Variants in DYTN observed in about 807,000 individuals in gnomAD.
DYTN encodes dystrotelin.
DYTN carries 75 observed loss-of-function variants against 69.6 expected under a neutral mutation model. The observed-to-expected ratio is 1.08, with a 90% CI of 0.89 to 1.31. DYTN has a LOEUF of 1.31. Among genes scored for constraint, DYTN ranks in the 50% most tolerant of loss-of-function variants. The probability of loss-of-function intolerance (pLI) is 0.00; values close to 1 mark genes in which losing one functional copy is unlikely to be tolerated. For missense variants in DYTN, 726 were observed against 688.4 expected (o/e 1.05, Z -0.61); for synonymous variants, 252 against 249.1 (o/e 1.01, Z -0.11).
At chr2:206,686,865 C>G (rs965399372) in intron 9 of DYTN, 4 of 152,330 alleles carry the variant, frequency 2.6e-5, no homozygotes, top group Non-Finnish European at 5.9e-5. Flanking sequence ...ATCTGGGGAG[C>G]AAGGCTCTCT....
chr2:206,684,560 A>T (rs886330205), intron 9 of DYTN, among the ~76,000 whole-genome samples: 1 of 152,158 alleles, frequency 6.6e-6, no homozygotes, highest in African/African-American at 2.4e-5. Flanking sequence ...CTTCACTTTG[A>T]GAGGCAGAAC....
At chr2:206,707,661 C>T (rs1019525339) in intron 2 of DYTN, among the ~76,000 whole-genome samples, 158 bp from the exon 3 acceptor site, 1 of 151,994 alleles carries the variant, frequency 6.6e-6, no homozygotes, top group African/African-American at 2.4e-5. Context: ...GACATATATT[C>T]CTTGTGTATA....
intron 8 of DYTN, 118 bp from the exon 9 acceptor site, chr2:206,693,441 C>T: frequency 7.7e-7 from 1 of 1,302,282 alleles, no homozygotes; most frequent in Non-Finnish European, 1.0e-6. Flanking sequence ...CTTAAGTCCT[C>T]AGAAAAATAA....
intron 2 of DYTN, among the ~76,000 whole-genome samples, chr2:206,709,014 T>A (rs1468038970): frequency 6.6e-6 from 1 of 152,010 alleles, no homozygotes; most frequent in African/African-American, 2.4e-5. Flanking sequence ...AATGCATAAT[T>A]GGGGGTAAAT....
rs565082387 is a variant in DYTN at position 206,677,858 on chromosome 2, C to A, written c.981-11829G>T. On this transcript the variant is annotated intron_variant, in intron 9 of 11. Transcript: ENST00000452335. ...ATACAAAAATTAGCTGGGCGTGATG[C>A]GGGCACCTGGAATCCCAGCTACTTG... Among the ~76,000 whole-genome samples the A allele has an allele frequency of 7.9e-5, 12 of 152,048 alleles. No homozygotes were observed. The East Asian group carries it at 2.1e-3, about 27-fold the overall frequency.
chr2:206,705,087 T>C (rs1381285110), intron 4 of DYTN, 144 bp from the exon 5 acceptor site: 1 of 672,664 alleles, frequency 1.5e-6, no homozygotes. Context: ...CTAGCTATTA[T>C]GAAGGCCTCC....
intron 9 of DYTN, among the ~76,000 whole-genome samples, chr2:206,672,744 A>G (rs2105891116): frequency 6.6e-6 from 1 of 152,366 alleles, no homozygotes; most frequent in African/African-American, 2.4e-5. Flanking sequence ...ACTGATTATG[A>G]TTGCACGAAA....
At chr2:206,699,118 C>T (rs1390665296) in intron 7 of DYTN, among the ~76,000 whole-genome samples, 1 of 152,096 alleles carries the variant, frequency 6.6e-6, no homozygotes, top group East Asian at 1.9e-4. Context: ...ATGCATGGCT[C>T]CAAAATTTAA....
At chr2:206,655,934 T>A (rs1699443088) in intron 11 of DYTN, among the ~76,000 whole-genome samples, 1 of 152,202 alleles carries the variant, frequency 6.6e-6, no homozygotes. Flanking sequence ...TGTTCCATGT[T>A]TGCTGGAGAA....
At chr2:206,673,732 T>A (rs1345883999) in intron 9 of DYTN, among the ~76,000 whole-genome samples, 1 of 152,212 alleles carries the variant, frequency 6.6e-6, no homozygotes, top group African/African-American at 2.4e-5. Context: ...CAACCTATCT[T>A]AGAAATGGTC....
At chr2:206,687,108 T>C (rs1699820760) in intron 9 of DYTN, 2 of 154,670 alleles carry the variant, frequency 1.3e-5, no homozygotes, top group Non-Finnish European at 2.9e-5. Flanking sequence ...AAATTTGTTT[T>C]GCCATAGGGA....
chr2:206,675,816 C>G (rs568882913), intron 9 of DYTN, among the ~76,000 whole-genome samples: 19 of 152,174 alleles, frequency 1.2e-4, no homozygotes, highest in African/African-American at 4.6e-4. Flanking sequence ...ATGTGGCCAA[C>G]AAACATGAAA....
intron 9 of DYTN, among the ~76,000 whole-genome samples, chr2:206,680,555 T>C (rs1460210763): frequency 6.6e-6 from 1 of 152,218 alleles, no homozygotes; most frequent in Non-Finnish European, 1.5e-5. Context: ...CCTTCCAGTA[T>C]AGTAGATAGC....
chr2:206,678,548 A>G (rs1699716283), intron 9 of DYTN, among the ~76,000 whole-genome samples: 1 of 152,234 alleles, frequency 6.6e-6, no homozygotes, highest in African/African-American at 2.4e-5. Context: ...AATAATCCAA[A>G]TATCAACAAC....
intron 9 of DYTN, among the ~76,000 whole-genome samples, chr2:206,668,795 A>C (rs1699600623): frequency 1.3e-5 from 2 of 152,136 alleles, no homozygotes; most frequent in African/African-American, 2.4e-5. Flanking sequence ...GGTGGAGGTA[A>C]TTAAATCATG....
intron 7 of DYTN, 66 bp from the exon 8 acceptor site, chr2:206,694,943 A>G: frequency 1.6e-6 from 2 of 1,220,644 alleles, no homozygotes; most frequent in Admixed American, 2.8e-5. Context: ...AAAAAAGAAT[A>G]TCCAGGTAGA....
intron 9 of DYTN, among the ~76,000 whole-genome samples, chr2:206,668,587 G>A (rs1699598644): frequency 1.3e-5 from 2 of 152,254 alleles, no homozygotes; most frequent in East Asian, 3.9e-4. Context: ...GCTTTCTGGT[G>A]GAGGCTAAGC....
intron 7 of DYTN, among the ~76,000 whole-genome samples, chr2:206,696,555 C>T (rs1024140616): frequency 1.3e-5 from 2 of 152,026 alleles, no homozygotes; most frequent in African/African-American, 4.8e-5. Flanking sequence ...CCAGTTAATC[C>T]CCATGGAAAT....
chr2:206,703,001 C>A (rs1325583041), intron 5 of DYTN, among the ~76,000 whole-genome samples: 1 of 152,050 alleles, frequency 6.6e-6, no homozygotes, highest in African/African-American at 2.4e-5. Context: ...CTCTGAGAAT[C>A]CATTTCTGAG....
Sources: allele counts gnomAD v4.1 joint callset (sites outside exome capture counted in the v4.1 genomes callset), GRCh38; gene constraint gnomAD v4.1.1; transcripts MANE v1.5; gene names NCBI Gene and HGNC (gene_info 2026-07-23, HGNC 2026-07-21).